MLLT3: variants seen among roughly 807,000 people sequenced by gnomAD.
The protein encoded by MLLT3 is protein AF-9.
In MLLT3, 4 loss-of-function variants were observed where a neutral mutation model predicts 53.2. The ratio of observed to expected loss-of-function variants is 0.08; its 90% CI spans 0.04 to 0.17. The LOEUF is 0.17. MLLT3 is among the 10% of genes least tolerant of loss of function. The pLI is 1.00. For missense variants in MLLT3, 569 were observed against 684.0 expected, an observed-to-expected ratio of 0.83 and a Z score of 1.87; for synonymous variants, 283 against 230.6, an observed-to-expected ratio of 1.23 and a Z score of -2.06.
chr9:20,464,627 G>T (rs1359140669), intron 2 of MLLT3, among the ~76,000 whole-genome samples: 2 of 151,936 alleles, frequency 1.3e-5, no homozygotes, highest in African/African-American at 4.8e-5. Flanking sequence ...CCTCTTTAAG[G>T]AAGTGGCATT....
rs748691721 is a variant in MLLT3 at position 20,345,538 on chromosome 9, A to G, written c.*905T>C. 7.4e-5 allele frequency: 15 copies of G among 201,786 alleles called. No individual in the cohort carries two copies. Among genetic ancestry groups the G allele is most frequent in the Non-Finnish European group, 1.2e-4 (12 of 98,390 alleles). The allele number at this position is 201,786 out of a possible 1,614,324, so 12.5% of individuals were successfully genotyped here. ...GATCCTGTGGAATGCCTTTACTTCC[A>G]TATTCACCTAATATTGTAACAGTAA... is the stretch of plus-strand genomic sequence containing the variant. On this transcript the variant is annotated 3_prime_UTR_variant, in exon 11 of 11. Coordinates refer to ENST00000380338, the MANE Select transcript of MLLT3 (RefSeq NM_004529.4).
chr9:20,549,243 G>A (rs983186386), intron 2 of MLLT3, among the ~76,000 whole-genome samples: 6 of 152,168 alleles, frequency 3.9e-5, no homozygotes, highest in African/African-American at 1.4e-4. Flanking sequence ...ATCAGAATGA[G>A]AAAAGCCAAG....
In MLLT3 at chr9:20,363,530, T is replaced by C; in HGVS notation, c.1277A>G (p.Asp426Gly). The C allele has an allele frequency of 1.2e-6, 2 of 1,614,150 alleles. No individual in the cohort carries two copies. The highest frequency in any genetic ancestry group is 1.7e-6 in the Non-Finnish European group (2 of 1,180,006). ...EEESDEVEDN[D>G]NDSEMERPVN... ...AGGCCTCTCCATTTCAGAGTCATTGTCGTTATCCTCCACTTCATCTGATTC... is the reference window on the plus strand; with the variant it reads ...AGGCCTCTCCATTTCAGAGTCATTGCCGTTATCCTCCACTTCATCTGATTC... Residue 426 changes from aspartate (D) to glycine (G), a missense_variant, in exon 7 of 11, where the codon GAC becomes GGC. By Grantham distance (94) the Asp-to-Gly change is moderately conservative (BLOSUM62 -1). Around this residue, in one of 5 missense-constraint regions of MLLT3, gnomAD observed 437 missense variants for 376.5 expected, o/e 1.16. Coordinates refer to ENST00000380338, the MANE Select transcript of MLLT3 (RefSeq NM_004529.4).
chr9:20,559,446 T>A (rs921580122), intron 2 of MLLT3, among the ~76,000 whole-genome samples: 3 of 152,224 alleles, frequency 2.0e-5, no homozygotes, highest in Non-Finnish European at 2.9e-5. Flanking sequence ...TTTACACCAG[T>A]GCAAAGGGTA....
At chr9:20,392,981 C>A (rs1822224907) in intron 5 of MLLT3, among the ~76,000 whole-genome samples, 1 of 152,122 alleles carries the variant, frequency 6.6e-6, no homozygotes, top group African/African-American at 2.4e-5. Context: ...CATGATAAAA[C>A]CCTGTCTCTA....
intron 2 of MLLT3, among the ~76,000 whole-genome samples, chr9:20,560,272 T>C (rs1258556095): frequency 6.6e-6 from 1 of 152,012 alleles, no homozygotes; most frequent in South Asian, 2.1e-4. Flanking sequence ...CTTCAATACA[T>C]GCAAACAGAA....
chr9:20,560,962 AT>A (rs961749941), intron 2 of MLLT3, among the ~76,000 whole-genome samples: 1 of 152,180 alleles, frequency 6.6e-6, no homozygotes, highest in African/African-American at 2.4e-5. Context: ...TATTTGAAAT[AT>A]TAGACACTAT....
intron 2 of MLLT3, among the ~76,000 whole-genome samples, chr9:20,592,323 G>T (rs1357291094): frequency 6.6e-6 from 1 of 152,158 alleles, no homozygotes; most frequent in Non-Finnish European, 1.5e-5. Flanking sequence ...CCCAAATGGG[G>T]TGGCTTAAGC....
intron 2 of MLLT3, among the ~76,000 whole-genome samples, chr9:20,614,101 G>A (rs1259722017): frequency 6.6e-6 from 1 of 152,108 alleles, no homozygotes; most frequent in Non-Finnish European, 1.5e-5. Context: ...CCAGCTCTAA[G>A]AAGGGTGCTA....
intron 5 of MLLT3, among the ~76,000 whole-genome samples, chr9:20,397,080 A>G (rs1822339148): frequency 6.6e-6 from 1 of 152,188 alleles, no homozygotes; most frequent in African/African-American, 2.4e-5. Flanking sequence ...ATCACACTCA[A>G]TGCATTATCT....
At chr9:20,459,112 C>T (rs925725712) in intron 2 of MLLT3, among the ~76,000 whole-genome samples, 4 of 152,050 alleles carry the variant, frequency 2.6e-5, no homozygotes, top group South Asian at 2.1e-4. Context: ...AACAGAAGCG[C>T]GAGGCATTTT....
chr9:20,408,006 CAAT>C (rs1434982121), intron 5 of MLLT3, among the ~76,000 whole-genome samples: 15 of 152,146 alleles, frequency 9.9e-5, no homozygotes, highest in Admixed American at 2.6e-4. Context: ...AAGCAAGAAA[CAAT>C]AATGCATTGA....
chr9:20,614,641 GA>G (rs11358985), intron 2 of MLLT3, among the ~76,000 whole-genome samples: 120,853 of 150,874 alleles, frequency 0.8, 48,494 homozygotes, highest in Middle Eastern at 0.86. Flanking sequence ...CTACAAATTA[GA>G]AAAAAAAAAC....
chr9:20,376,576 T>A (rs1821770959), intron 5 of MLLT3, among the ~76,000 whole-genome samples: 1 of 152,206 alleles, frequency 6.6e-6, no homozygotes, highest in Non-Finnish European at 1.5e-5. Context: ...TCATTTGGAC[T>A]TATCACTACT....
At chr9:20,517,401 A>T (rs1421228689) in intron 2 of MLLT3, among the ~76,000 whole-genome samples, 1 of 152,044 alleles carries the variant, frequency 6.6e-6, no homozygotes, top group Admixed American at 6.6e-5. Flanking sequence ...ATCCCCCAAT[A>T]AAAGGAACCA....
At position 20,621,691 on chromosome 9, in the gene MLLT3, C is replaced by A. The variant is rs1301722357; in HGVS notation, c.12+554G>T. ...TCGGCTCGCGCTCAGCACCTCCCGG[C>A]GCTGGGGCAAAGTTGCGTGCGGCCC... On this transcript the variant is annotated intron_variant, in intron 1 of 10. Coordinates refer to ENST00000380338, the MANE Select transcript of MLLT3 (RefSeq NM_004529.4). The surrounding 1 kb of genome is among the most constrained non-coding windows in gnomAD (Gnocchi z 7.0). 2.9e-6 allele frequency: 4 copies of A among 1,385,332 alleles called. No individual in the cohort carries two copies. The African/African-American group carries it at 4.6e-5, about 16-fold the overall frequency. The allele number at this position is 1,385,332 out of a possible 1,614,324, so 85.8% of individuals were successfully genotyped here. A position where few individuals can be genotyped will look rare whatever the true frequency, so the allele number is the denominator to read the frequency against.
chr9:20,355,786 T>C (rs1430294906), intron 8 of MLLT3, among the ~76,000 whole-genome samples: 5 of 152,236 alleles, frequency 3.3e-5, no homozygotes, highest in African/African-American at 7.2e-5. Context: ...TGGAGACTAA[T>C]ATTAAAGGAG....
At chr9:20,375,898 G>A (rs181957843) in intron 5 of MLLT3, among the ~76,000 whole-genome samples, 7 of 152,108 alleles carry the variant, frequency 4.6e-5, no homozygotes, top group East Asian at 1.9e-4. Context: ...CTGAGCCACC[G>A]CGCCCGGACT....
intron 2 of MLLT3, among the ~76,000 whole-genome samples, chr9:20,484,653 T>G (rs1459658806): frequency 6.6e-6 from 1 of 152,080 alleles, no homozygotes; most frequent in Non-Finnish European, 1.5e-5. Flanking sequence ...ATTACCAATT[T>G]CTCCCCGGAA....
Sources: gnomAD v4.1 joint callset for allele counts (sites outside exome capture counted in the v4.1 genomes callset) on GRCh38, gnomAD v4.1.1 for gene constraint, gnomAD v4.1.1 regional missense constraint, Gnocchi (gnomAD v3.1) non-coding constraint, MANE v1.5 for transcripts, NCBI Gene and HGNC (gene_info 2026-07-23, HGNC 2026-07-21) for gene names.